The following TLR5 variants were observed in gnomAD, a reference collection of about 807,000 sequenced individuals.
TLR5 encodes toll like receptor 5.
For missense variants in TLR5, 944 were observed against 999.8 expected, an observed-to-expected ratio of 0.94 and a Z score of 0.75; for synonymous variants, 373 against 384.4, an observed-to-expected ratio of 0.97 and a Z score of 0.35.
intron 4 of TLR5, among the ~76,000 whole-genome samples, chr1:223,133,638 TA>T (rs1243868626): frequency 6.6e-6 from 1 of 152,222 alleles, no homozygotes; most frequent in Non-Finnish European, 1.5e-5. Context: ...GAGAAGGGGC[TA>T]TACTAATACA....
intron 5 of TLR5, among the ~76,000 whole-genome samples, chr1:223,117,712 G>A (rs924512193): frequency 1.4e-4 from 21 of 152,182 alleles, no homozygotes; most frequent in African/African-American, 4.6e-4. Context: ...TCTAAAAGCC[G>A]TGGCTCTTGA....
At chr1:223,118,680 C>T (rs1656795680) in intron 5 of TLR5, among the ~76,000 whole-genome samples, 1 of 152,214 alleles carries the variant, frequency 6.6e-6, no homozygotes, top group South Asian at 2.1e-4. Flanking sequence ...AAATGCCTCT[C>T]ATCAGACTTA....
chr1:223,121,290 T>G (rs898666971), intron 5 of TLR5, among the ~76,000 whole-genome samples: 1 of 152,220 alleles, frequency 6.6e-6, no homozygotes, highest in African/African-American at 2.4e-5. Flanking sequence ...AGTATATTGA[T>G]TTCTATAAAA....
At chr1:223,138,288 G>C (rs184565474) in intron 2 of TLR5, among the ~76,000 whole-genome samples, 1 of 150,698 alleles carries the variant, frequency 6.6e-6, no homozygotes, top group Non-Finnish European at 1.5e-5. Context: ...TGTGGGTTTT[G>C]TTTTGTTTTG....
intron 5 of TLR5, among the ~76,000 whole-genome samples, chr1:223,122,220 T>C (rs1441132185): frequency 6.6e-6 from 1 of 152,154 alleles, no homozygotes; most frequent in Non-Finnish European, 1.5e-5. Flanking sequence ...CAAATATGCA[T>C]CATGATGATA....
At position 223,111,828 on chromosome 1, in the gene TLR5, T is replaced by A. The variant is rs1351030094; in HGVS notation, c.1204A>T (p.Ile402Phe). ...RDNALTTIHF[I>F]PSIPDIFLSG... Reference sequence around the variant, plus strand: ...AAGAAGATATCGGGTATGCTTGGAATAAAATGAATGGTTGTAAGAGCATTG... The same window carrying A: ...AAGAAGATATCGGGTATGCTTGGAAAAAAATGAATGGTTGTAAGAGCATTG... The change falls in exon 6 of 6, where the codon ATT becomes TTT. Residue 402 changes from isoleucine to phenylalanine, a missense_variant. Physicochemically the swap from Ile to Phe is conservative, Grantham distance 21. Transcript: ENST00000642603. 1.2e-6 allele frequency: 2 copies of A among 1,614,096 alleles called. No homozygotes were observed. The highest frequency in any genetic ancestry group is 2.7e-5 in the African/African-American group (2 of 75,060).
At chr1:223,120,829 C>T (rs958251133) in intron 5 of TLR5, among the ~76,000 whole-genome samples, 3 of 152,204 alleles carry the variant, frequency 2.0e-5, no homozygotes, top group Non-Finnish European at 4.4e-5. Flanking sequence ...CTCCAGTAAT[C>T]CCAGCACTTG....
At position 223,111,518 on chromosome 1, in the gene TLR5, T is replaced by C. The variant is rs768495502; in HGVS notation, c.1514A>G (p.Gln505Arg). The stretch of plus-strand genomic sequence containing the variant: ...ATAGTTATGATTCAAATACAGAACT[T>C]GAAGATGAGAAAGTCCCTCAAAAAC... ...WDVFEGLSHL[Q>R]VLYLNHNYLN... is the part of the protein sequence containing the mutation. Residue 505 changes from glutamine (Q) to arginine (R), a missense_variant, in exon 6 of 6, where the codon CAA becomes CGA. Physicochemically the swap from Gln to Arg is conservative, Grantham distance 43. Transcript: ENST00000642603. The C allele has an allele frequency of 2.5e-6, 4 of 1,613,984 alleles. No individual in the cohort carries two copies. The highest frequency in any genetic ancestry group is 1.7e-5 in the Admixed American group (1 of 59,996).
At chr1:223,124,447 CAAAAA>C (rs71178531) in intron 5 of TLR5, among the ~76,000 whole-genome samples, 3 of 141,680 alleles carry the variant, frequency 2.1e-5, no homozygotes, top group Non-Finnish European at 4.6e-5. Flanking sequence ...CCGTCTAAAA[CAAAAA>C]AAAAAAAGAA....
In TLR5 at chr1:223,112,850, A is replaced by T. The variant is rs1351506189; in HGVS notation, c.182T>A (p.Val61Asp). Residue 61 changes from valine to aspartate, a missense_variant, in exon 6 of 6, where the codon GTC (valine) becomes GAC (aspartate). By Grantham distance (152) the Val-to-Asp change is radical. Coordinates refer to ENST00000642603, the MANE Select transcript of TLR5 (RefSeq NM_003268.6). Reference sequence around the variant, plus strand: ...CAGAAAGGGGAAGGATGAAGCAGTGACTGTCCTGATATAGTTGAAGCTCAG... The same window carrying T: ...CAGAAAGGGGAAGGATGAAGCAGTGTCTGTCCTGATATAGTTGAAGCTCAG... ...LLLSFNYIRT[V>D]TASSFPFLEQ... The T allele has an allele frequency of 1.2e-6, 2 of 1,613,738 alleles. No individual in the cohort carries two copies. The highest frequency in any genetic ancestry group is 1.7e-6 in the Non-Finnish European group (2 of 1,179,788).
chr1:223,134,702 C>T lies in TLR5; in HGVS notation c.-190G>A, dbSNP rs533378663. ...CCTACCTGTCTCCAGGTTCGGACAG[C>T]GCCAACATTCTCAATTAGAAAATTA... is the stretch of plus-strand genomic sequence containing the variant. On this transcript the variant is annotated 5_prime_UTR_variant, in exon 4 of 6. Coordinates refer to ENST00000642603, the MANE Select transcript of TLR5 (RefSeq NM_003268.6). 25 of 152,386 alleles carry T rather than the reference C, an allele frequency of 1.6e-4. No individual in the cohort carries two copies. In the East Asian group the frequency reaches 4.0e-3, roughly 24 times the overall value. 9.4% of individuals were successfully genotyped at this position (152,386 alleles called of 1,614,324 possible).
Position 223,110,955 on chromosome 1 carries a change from A to G in TLR5, c.2077T>C (p.Tyr693His). 1 of 1,614,234 alleles carries G rather than the reference A, an allele frequency of 6.2e-7. No homozygotes were observed. The highest frequency in any genetic ancestry group is 2.2e-5 in the East Asian group (1 of 44,888). ...CTGCTGAAGCACAAATAGGCATCAT[A>G]TTTGTACATATCAGGTTCTGTGCCC... is the stretch of plus-strand genomic sequence containing the variant. ...PQGTEPDMYK[Y>H]DAYLCFSSKD... Residue 693 changes from tyrosine (Y) to histidine (H), a missense_variant, in exon 6 of 6, where the codon TAT (tyrosine) becomes CAT (histidine). By Grantham distance (83) the Tyr-to-His change is moderately conservative. Transcript: ENST00000642603.
chr1:223,112,156 G>C lies in TLR5; in HGVS notation c.876C>G (p.His292Gln). The C allele has an allele frequency of 6.2e-7, 1 of 1,614,206 alleles. No homozygotes were observed. The highest frequency in any genetic ancestry group is 8.5e-7 in the Non-Finnish European group (1 of 1,180,040). ...AGACAAACCCATGTGAAAGATCCAG[G>C]TGTCTCACTGAACTTCTGGCCAGGC... ...FAGLARSSVR[H>Q]LDLSHGFVFS... Residue 292 changes from histidine (H) to glutamine (Q), a missense_variant, in exon 6 of 6, where the codon CAC becomes CAG. His to Gln is a conservative substitution (Grantham distance 24). Coordinates refer to ENST00000642603, the MANE Select transcript of TLR5 (RefSeq NM_003268.6).
intron 5 of TLR5, among the ~76,000 whole-genome samples, chr1:223,115,402 A>G (rs1053930666): frequency 2.6e-5 from 4 of 152,342 alleles, no homozygotes; most frequent in South Asian, 2.1e-4. Flanking sequence ...AATGTGTGCC[A>G]GCACGCCCAG....
At chr1:223,130,273 C>T (rs1657347823) in intron 5 of TLR5, among the ~76,000 whole-genome samples, 2 of 152,312 alleles carry the variant, frequency 1.3e-5, no homozygotes, top group Admixed American at 6.5e-5. Flanking sequence ...GTCAAGCTCG[C>T]TGGTTTGTGG....
chr1:223,137,366 T>C (rs1045734186), intron 2 of TLR5, 103 bp from the exon 3 acceptor site: 3 of 152,250 alleles, frequency 2.0e-5, no homozygotes, highest in African/African-American at 7.2e-5. Context: ...GTTCACCACT[T>C]ACCCCTCAAA....
rs1384184800 is a variant in TLR5 at position 223,116,015 on chromosome 1, T to G, written c.-4-2980A>C. On this transcript the variant is annotated intron_variant, in intron 5 of 5. Transcript: ENST00000642603. ...TCTCTGCTCTTACTGTGGCGAGATC[T>G]CACATCAGTGTTTCCCCAGCGAGAC... Among the ~76,000 whole-genome samples the G allele has an allele frequency of 2.6e-5, 4 of 151,876 alleles. No homozygotes were observed. The Middle Eastern group carries it at 0.01, about 387-fold the overall frequency.
At chr1:223,114,690 G>C (rs374842052) in intron 5 of TLR5, among the ~76,000 whole-genome samples, 12 of 152,266 alleles carry the variant, frequency 7.9e-5, no homozygotes, top group South Asian at 6.2e-4. Context: ...TCAGAAGTAG[G>C]CATGGATGCC....
intron 5 of TLR5, chr1:223,123,526 T>C (rs1657031746): frequency 6.6e-6 from 1 of 152,226 alleles, no homozygotes; most frequent in Non-Finnish European, 1.5e-5. Flanking sequence ...CAGATTTCTT[T>C]ATGAAGTACA....
Sources: allele counts gnomAD v4.1 joint callset (sites outside exome capture counted in the v4.1 genomes callset), GRCh38; gene constraint gnomAD v4.1.1; transcripts MANE v1.5; gene names NCBI Gene and HGNC (gene_info 2026-07-23, HGNC 2026-07-21).